The following CKAP5 variants were observed in gnomAD, a reference collection of about 807,000 sequenced individuals.
CKAP5 encodes cytoskeleton associated protein 5, also known as cytoskeleton-associated protein 5.
Under a neutral mutation model 232.8 loss-of-function variants are expected in CKAP5, and 27 were observed. The ratio of observed to expected loss-of-function variants is 0.12; its 90% CI spans 0.09 to 0.16. The LOEUF (loss-of-function observed/expected upper bound fraction) is 0.16, where lower values mean the gene tolerates loss of function less well. CKAP5 is among the 10% of genes least tolerant of loss of function. CKAP5 has a pLI of 1.00. For synonymous variants in CKAP5, 785 were observed against 841.1 expected (o/e 0.93, Z 1.16); for missense variants, 1,838 against 2,424.7 (o/e 0.76, Z 5.08).
At chr11:46,798,296 T>C in intron 9 of CKAP5, 124 bp from the exon 10 acceptor site, 1 of 717,122 alleles carries the variant, frequency 1.4e-6, no homozygotes, top group Non-Finnish European at 2.3e-6. Flanking sequence ...AGTCACAGGC[T>C]GGGCACAGTG....
At chr11:46,826,937 C>A (rs1460886885) in intron 1 of CKAP5, 1 of 153,088 alleles carries the variant, frequency 6.5e-6, no homozygotes, top group Admixed American at 6.5e-5. Context: ...ACCCTCAGCT[C>A]CCCTCTCCGC....
At chr11:46,756,795 G>A (rs547530683) in intron 35 of CKAP5, among the ~76,000 whole-genome samples, 1 of 140,922 alleles carries the variant, frequency 7.1e-6, no homozygotes, top group Admixed American at 7.3e-5. Context: ...CATTCTTGTT[G>A]CCCAGGCTGG....
intron 4 of CKAP5, among the ~76,000 whole-genome samples, chr11:46,813,848 T>C (rs1168002305): frequency 1.3e-5 from 2 of 151,892 alleles, no homozygotes; most frequent in African/African-American, 4.8e-5. Context: ...AGGTAGAAGA[T>C]TATAGGCCAG....
intron 28 of CKAP5, among the ~76,000 whole-genome samples, 197 bp from the exon 29 acceptor site, chr11:46,763,827 A>C (rs2065177351): frequency 6.6e-6 from 1 of 152,158 alleles, no homozygotes; most frequent in Admixed American, 6.6e-5. Context: ...CTAGGAATAA[A>C]AATTTTTGGA....
Position 46,777,467 on chromosome 11 carries a change from G to C in CKAP5, c.2834C>G (p.Pro945Arg). 1.2e-6 allele frequency: 2 copies of C among 1,612,610 alleles called. No homozygotes were observed. The highest frequency in any genetic ancestry group is 1.7e-4 in the Middle Eastern group (1 of 6,060). ...GCTGTCTCCAAGGACTGTGATGATA[G>C]GGATGCCTAAATTTTTTACATGTTG... ...IKQHVKNLGI[P>R]IITVLGDSKN... The change falls in exon 23 of 44, where the codon CCT becomes CGT. Residue 945 changes from proline to arginine, a missense_variant. By Grantham distance (103) the Pro-to-Arg change is moderately radical. Transcript: ENST00000529230.
Position 46,754,007 on chromosome 11 carries a change from T to G in CKAP5, c.4870-510A>C, listed in dbSNP as rs193130335. Among the ~76,000 whole-genome samples the G allele has an allele frequency of 8.4e-4, 124 of 148,000 alleles. 1 individual carries two copies. The highest frequency in any genetic ancestry group is 6.9e-3 in the Middle Eastern group (2 of 290). ...GTGCTTCTAATTGTGAAATTTTTTG[T>G]TTTTTTTTTGAGACAGAGTCTTGCT... is the stretch of plus-strand genomic sequence containing the variant. On this transcript the variant is annotated intron_variant, in intron 36 of 43. Transcript: ENST00000529230.
At chr11:46,768,903 T>C (rs1592444734) in intron 26 of CKAP5, among the ~76,000 whole-genome samples, 1 of 152,180 alleles carries the variant, frequency 6.6e-6, no homozygotes, top group East Asian at 1.9e-4. Context: ...AGGTTATATA[T>C]TATCAAATTT....
Position 46,744,111 on chromosome 11 carries a change from G to C in CKAP5, c.6011C>G (p.Ser2004Cys). Residue 2004 changes from serine (S) to cysteine (C), a missense_variant, in exon 44 of 44, where the codon TCT becomes TGT. By Grantham distance (112) the Ser-to-Cys change is moderately radical. This residue lies in a region of CKAP5 where 62 missense variants were observed against 61.1 expected (regional missense o/e 1.01). Coordinates refer to ENST00000529230, the MANE Select transcript of CKAP5 (RefSeq NM_001008938.4). ...GGAGGAGGAGGTCACAGTTCCTGAA[G>C]AGTGAGTCTGGTTAGAATCCAGGTC... ...HSDLDSNQTH[S>C]SGTVTSSSST... 6.2e-7 allele frequency: 1 copy of C among 1,614,162 alleles called. No homozygotes were observed. Among genetic ancestry groups the C allele is most frequent in the Non-Finnish European group, 8.5e-7 (1 of 1,180,032 alleles).
rs566748996 is a variant in CKAP5 at position 46,778,468 on chromosome 11, C to T, written c.2565G>A (p.Thr855=). The change falls in exon 21 of 44, where the codon ACG becomes ACA. Residue 855 remains threonine (T), a synonymous_variant. Transcript: ENST00000529230. ...CACAGACTGGAACCTACCTGATCTCCGTCCTCGGCAAAAGATCAACGACAT... is the reference window on the plus strand; with the variant it reads ...CACAGACTGGAACCTACCTGATCTCTGTCCTCGGCAAAAGATCAACGACAT... ...SNDVVDLLPR[T]EISDKITSEL... is the part of the protein sequence containing the mutation. 88 of 1,614,120 alleles carry T rather than the reference C, an allele frequency of 5.5e-5. 1 individual carries two copies. In the South Asian group the frequency reaches 8.0e-4, roughly 15 times the overall value.
At chr11:46,748,565 G>A (rs1005956521) in intron 42 of CKAP5, among the ~76,000 whole-genome samples, 2 of 152,080 alleles carry the variant, frequency 1.3e-5, no homozygotes, top group Admixed American at 6.5e-5. Context: ...ACGAGGTCAG[G>A]AGATCAAGAC....
chr11:46,802,553 G>GAGACACACACACACACACACACAC (rs1555165924), intron 8 of CKAP5, among the ~76,000 whole-genome samples: 1 of 142,460 alleles, frequency 7.0e-6, no homozygotes, highest in African/African-American at 2.7e-5. Context: ...CAGACAGACA[G>GAGACACACACACACACACACACAC]ACAGACACAC....
intron 1 of CKAP5, among the ~76,000 whole-genome samples, chr11:46,837,247 GA>G (rs1939937867): frequency 1.3e-5 from 2 of 152,166 alleles, no homozygotes; most frequent in African/African-American, 4.8e-5. Flanking sequence ...GAAATTCAAA[GA>G]TCAGCAAGGG....
At chr11:46,844,176 C>T (rs566651849) in intron 1 of CKAP5, among the ~76,000 whole-genome samples, 33 of 150,158 alleles carry the variant, frequency 2.2e-4, no homozygotes, top group Admixed American at 3.3e-4. Context: ...CAGCTGAGAT[C>T]GCACCACTGC....
chr11:46,835,574 G>A (rs558857522), intron 1 of CKAP5, among the ~76,000 whole-genome samples: 16 of 151,868 alleles, frequency 1.1e-4, no homozygotes, highest in South Asian at 2.1e-4. Context: ...ATTATTCGAC[G>A]GAAAAAAATA....
intron 35 of CKAP5, 133 bp from the exon 36 acceptor site, chr11:46,755,200 CA>C: frequency 1.6e-6 from 1 of 636,390 alleles, no homozygotes; most frequent in Non-Finnish European, 2.4e-6. Context: ...AAAAAAAGCC[CA>C]TTTACTTATT....
intron 42 of CKAP5, 120 bp downstream of exon 42, chr11:46,750,154 C>T (rs1592430636): frequency 4.3e-6 from 4 of 931,642 alleles, no homozygotes; most frequent in Admixed American, 5.0e-5. Context: ...ATGGGAAGGC[C>T]ATTTGGTGAC....
intron 9 of CKAP5, among the ~76,000 whole-genome samples, chr11:46,798,925 A>G (rs1565741578): frequency 6.6e-6 from 1 of 152,232 alleles, no homozygotes; most frequent in South Asian, 2.1e-4. Flanking sequence ...AAGTGGAATA[A>G]AAAGTCATTT....
Position 46,744,034 on chromosome 11 carries a change from T to C in CKAP5, c.6088A>G (p.Ser2030Gly). 2 of 1,612,958 alleles carry C rather than the reference T, an allele frequency of 1.2e-6. No homozygotes were observed. Among genetic ancestry groups the C allele is most frequent in the Non-Finnish European group, 1.7e-6 (2 of 1,180,038 alleles). ...GGAGTGGGGCAGCTTCATTTGCGAC[T>C]GCTCTTTATTCTCTCCAGTCTTTTT... ...LKKRLERIKS[S>G]RK Residue 2030 changes from serine (S) to glycine (G), a missense_variant, in exon 44 of 44, where the codon AGT (serine) becomes GGT (glycine). By Grantham distance (56) the Ser-to-Gly change is moderately conservative. Around this residue, in one of 6 missense-constraint regions of CKAP5, gnomAD observed 62 missense variants for 61.1 expected, o/e 1.01. Transcript: ENST00000529230.
At chr11:46,838,886 A>G (rs1193602414) in intron 1 of CKAP5, among the ~76,000 whole-genome samples, 1 of 151,808 alleles carries the variant, frequency 6.6e-6, no homozygotes, top group African/African-American at 2.4e-5. Flanking sequence ...ATAAAGACAC[A>G]GAAACACAGC....
Sources: allele counts gnomAD v4.1 joint callset (sites outside exome capture counted in the v4.1 genomes callset), GRCh38; gene constraint gnomAD v4.1.1; regional missense constraint gnomAD v4.1.1; transcripts MANE v1.5; gene names NCBI Gene and HGNC (gene_info 2026-07-23, HGNC 2026-07-21).